DNAAF4: variants seen among roughly 807,000 people sequenced by gnomAD.
DNAAF4 encodes dynein axonemal assembly factor 4.
A neutral mutation model predicts 51.8 loss-of-function variants in DNAAF4; 43 were observed. That is an observed-to-expected ratio of 0.83 (90% CI 0.65 to 1.07). DNAAF4 has a LOEUF of 1.07. Among genes scored for constraint, DNAAF4 ranks in the 50% least tolerant of loss-of-function variants. The pLI, the probability that DNAAF4 is intolerant of heterozygous loss-of-function variation, is 0.00. For missense variants in DNAAF4, 581 were observed against 493.0 expected, an observed-to-expected ratio of 1.18 and a Z score of -1.69; for synonymous variants, 194 against 165.6, an observed-to-expected ratio of 1.17 and a Z score of -1.32.
At chr15:55,443,277 A>C (rs1595899493) in intron 6 of DNAAF4, 1 of 1,543,628 alleles carries the variant, frequency 6.5e-7, no homozygotes, top group East Asian at 2.3e-5. Flanking sequence ...GCGGCTCACT[A>C]CCCGGCAGGC....
chr15:55,490,943 G>C lies in DNAAF4; in HGVS notation c.405+180C>G, dbSNP rs996360479. On this transcript the variant is annotated intron_variant, in intron 4 of 9. Coordinates refer to ENST00000321149, the MANE Select transcript of DNAAF4 (RefSeq NM_130810.4). Reference sequence around the variant, plus strand: ...CACTCCAGCCTGGGCGACAGAGTGAGACTCGGTCTCAAGAAAAAAAAAAAC... The same window carrying C: ...CACTCCAGCCTGGGCGACAGAGTGACACTCGGTCTCAAGAAAAAAAAAAAC... 4 of 603,908 alleles carry C rather than the reference G, an allele frequency of 6.6e-6. No individual in the cohort carries two copies. In the South Asian group the frequency reaches 9.5e-5, roughly 14 times the overall value. 37.4% of individuals were successfully genotyped at this position (603,908 alleles called of 1,614,324 possible).
chr15:55,506,080 T>C lies in DNAAF4; in HGVS notation c.-256+2042A>G, dbSNP rs1175646889. Among the ~76,000 whole-genome samples, 3 of 152,224 alleles carry C rather than the reference T, an allele frequency of 2.0e-5. No homozygotes were observed. The East Asian group carries it at 5.8e-4, about 29-fold the overall frequency. On this transcript the variant is annotated intron_variant, in intron 1 of 9. Transcript: ENST00000321149. ...GTACTTTTGTCTCAGCTTGGTATTC[T>C]ATGAGATTTAAATTGTTAATGTTCA...
chr15:55,501,886 T>C (rs978605592), intron 1 of DNAAF4, among the ~76,000 whole-genome samples: 1 of 151,486 alleles, frequency 6.6e-6, no homozygotes, highest in African/African-American at 2.4e-5. Flanking sequence ...CTATTAAAAA[T>C]ACAAAAATTA....
chr15:55,469,269 G>A (rs1323088675), intron 4 of DNAAF4, among the ~76,000 whole-genome samples: 2 of 151,522 alleles, frequency 1.3e-5, no homozygotes, highest in African/African-American at 4.9e-5. Context: ...GGTGGAGGTT[G>A]CAGTGAGCCG....
chr15:55,455,413 T>TATATATATA (rs2058004968), intron 5 of DNAAF4, among the ~76,000 whole-genome samples: 20 of 141,724 alleles, frequency 1.4e-4, no homozygotes, highest in South Asian at 2.3e-4. Flanking sequence ...TATATATATA[T>TATATATATA]TCAATCTAAA....
intron 7 of DNAAF4, chr15:55,418,330 A>G: frequency 6.5e-7 from 1 of 1,543,350 alleles, no homozygotes; most frequent in Non-Finnish European, 8.7e-7. Context: ...TGTTGGATCC[A>G]AAGACACTCC....
intron 4 of DNAAF4, among the ~76,000 whole-genome samples, chr15:55,471,697 T>A (rs1476440039): frequency 1.3e-5 from 2 of 151,802 alleles, no homozygotes; most frequent in Non-Finnish European, 2.9e-5. Flanking sequence ...GTATTTTTAG[T>A]AGAGATGGGG....
At chr15:55,418,541 G>A (rs1206644285) in intron 7 of DNAAF4, 1 of 1,496,410 alleles carries the variant, frequency 6.7e-7, no homozygotes, top group East Asian at 2.5e-5. Flanking sequence ...CAGAACTCTT[G>A]ATTTTCCTAA....
chr15:55,426,242 T>C (rs2057429800), downstream of DNAAF4, among the ~76,000 whole-genome samples: 1 of 152,122 alleles, frequency 6.6e-6, no homozygotes, highest in African/African-American at 2.4e-5. Context: ...GCACTGATCT[T>C]AGGAGCAGTT....
intron 6 of DNAAF4, among the ~76,000 whole-genome samples, chr15:55,447,687 A>G (rs1395348702): frequency 6.7e-6 from 1 of 148,604 alleles, no homozygotes; most frequent in East Asian, 2.0e-4. Context: ...CCGAGGCAGG[A>G]GAATGACAGG....
At chr15:55,485,673 T>C (rs977532243) in intron 4 of DNAAF4, among the ~76,000 whole-genome samples, 1 of 151,386 alleles carries the variant, frequency 6.6e-6, no homozygotes, top group African/African-American at 2.4e-5. Context: ...AAGTGGGTAA[T>C]GTACAGAACA....
rs1209754897 is a variant in DNAAF4, at chr15:55,473,198, A to AAATATATAT, written c.406-6038_406-6037insATATATATT. Among the ~76,000 whole-genome samples, 104 of 75,744 alleles carry AAATATATAT rather than the reference A, an allele frequency of 1.4e-3. 5 individuals are homozygous for AAATATATAT. The highest frequency in any genetic ancestry group is 0.018 in the Middle Eastern group (2 of 114). 49.7% of individuals were successfully genotyped at this position (75,744 alleles called of 152,430 possible). On this transcript the variant is annotated intron_variant, in intron 4 of 9. Transcript: ENST00000321149. ...ACAAAAAAAAAACCTAAAAAAAAAA[A>AAATATATAT]ATATATATATATATATATATATATG...
chr15:55,441,447 G>T (rs1010002928), intron 6 of DNAAF4, among the ~76,000 whole-genome samples: 6 of 151,942 alleles, frequency 3.9e-5, no homozygotes, highest in African/African-American at 1.5e-4. Context: ...AAGTTCTAGG[G>T]TACATGTGCA....
At chr15:55,481,859 T>C (rs1478546128) in intron 4 of DNAAF4, among the ~76,000 whole-genome samples, 1 of 152,110 alleles carries the variant, frequency 6.6e-6, no homozygotes, top group East Asian at 1.9e-4. Context: ...AAACCCCCTC[T>C]CTCCCCTATT....
rs191001438 is a variant in DNAAF4 at position 55,445,591 on chromosome 15, C to T, written c.783+4631G>A. On this transcript the variant is annotated intron_variant, in intron 6 of 9. Transcript: ENST00000321149. Reference sequence around the variant, plus strand: ...TGGGTACACCTCCCAGATGGGGCGGCCAGGCAGAGGCGCTCCTCGCCTCCC... The same window carrying T: ...TGGGTACACCTCCCAGATGGGGCGGTCAGGCAGAGGCGCTCCTCGCCTCCC... Among the ~76,000 whole-genome samples, 15 of 152,180 alleles carry T rather than the reference C, an allele frequency of 9.9e-5. No individual in the cohort carries two copies. In the East Asian group the frequency reaches 2.9e-3, roughly 29 times the overall value.
chr15:55,450,275 G>C lies in DNAAF4; in HGVS notation c.730C>G (p.Pro244Ala). Residue 244 changes from proline (P) to alanine (A), a missense_variant, in exon 6 of 10, where the codon CCT (proline) becomes GCT (alanine). Physicochemically the swap from Pro to Ala is conservative, Grantham distance 27. Coordinates refer to ENST00000321149, the MANE Select transcript of DNAAF4 (RefSeq NM_130810.4). ...CGAAGAGCTGTTGGGAATACTCGAG[G>C]GGTAAAGTTGATTTTAATACTGCCA... The part of the protein sequence containing the change: ...SVGSIKINFT[P>A]RVFPTALRES... 3.7e-6 allele frequency: 6 copies of C among 1,614,010 alleles called. No individual in the cohort carries two copies. Among genetic ancestry groups the C allele is most frequent in the Non-Finnish European group, 4.2e-6 (5 of 1,180,002 alleles).
intron 9 of DNAAF4, 66 bp from the exon 10 acceptor site, chr15:55,430,845 A>ATTGTCTAG: frequency 7.8e-7 from 1 of 1,280,074 alleles, no homozygotes; most frequent in Non-Finnish European, 1.1e-6. Flanking sequence ...TTATCTAGAC[A>ATTGTCTAG]ATAGTTGTTT....
At chr15:55,466,665 T>A (rs1028820010) in intron 5 of DNAAF4, among the ~76,000 whole-genome samples, 8 of 151,202 alleles carry the variant, frequency 5.3e-5, no homozygotes, top group African/African-American at 1.7e-4. Flanking sequence ...TTTAACAACA[T>A]CTTTGTAAAT....
chr15:55,469,497 T>TTTC (rs2058220331), intron 4 of DNAAF4, among the ~76,000 whole-genome samples: 1 of 131,810 alleles, frequency 7.6e-6, no homozygotes, highest in Non-Finnish European at 1.6e-5. Flanking sequence ...TTTTTTTTTT[T>TTTC]TTTGAGACGG....
Sources: allele counts gnomAD v4.1 joint callset (sites outside exome capture counted in the v4.1 genomes callset), GRCh38; gene constraint gnomAD v4.1.1; transcripts MANE v1.5; gene names NCBI Gene and HGNC (gene_info 2026-07-23, HGNC 2026-07-21).